The following NLRP7 variants were observed in gnomAD, a reference collection of about 807,000 sequenced individuals.
NLRP7 encodes NACHT, LRR and PYD domains-containing protein 7.
Under a neutral mutation model 85.5 loss-of-function variants are expected in NLRP7, and 72 were observed. The ratio of observed to expected loss-of-function variants is 0.84; its 90% CI spans 0.70 to 1.02. The LOEUF is 1.02. NLRP7 is among the 50% of genes least tolerant of loss of function. The pLI is 0.00. For missense variants in NLRP7, 1,243 were observed against 1,219.5 expected, an observed-to-expected ratio of 1.02 and a Z score of -0.29; for synonymous variants, 550 against 505.2, an observed-to-expected ratio of 1.09 and a Z score of -1.19.
chr19:54,964,410 G>T (rs1275427961), intron 1 of NLRP7, among the ~76,000 whole-genome samples: 1 of 150,260 alleles, frequency 6.7e-6, no homozygotes, highest in Non-Finnish European at 1.5e-5. Context: ...TAGAGACGGG[G>T]TTTCACCGTG....
At chr19:54,961,215 A>C (rs1216633909) in intron 1 of NLRP7, among the ~76,000 whole-genome samples, 1 of 151,966 alleles carries the variant, frequency 6.6e-6, no homozygotes, top group Non-Finnish European at 1.5e-5. Context: ...TCTAGTTAAA[A>C]AAGAGGGGGA....
In NLRP7 at chr19:54,953,867, C is replaced by T. The variant is rs1165277663; in HGVS notation, c.-76-6362G>A. Among the ~76,000 whole-genome samples, 7 of 151,150 alleles carry T rather than the reference C, an allele frequency of 4.6e-5. No homozygotes were observed. The East Asian group carries it at 1.2e-3, about 26-fold the overall frequency. On this transcript the variant is annotated intron_variant, in intron 1 of 2. Transcript: ENST00000587103. ...AAAAAAATACAAAAAATTAGCTGGGCGTGGTGGCGGGCGCCTGTAGTCCCA... is the reference window on the plus strand; with the variant it reads ...AAAAAAATACAAAAAATTAGCTGGGTGTGGTGGCGGGCGCCTGTAGTCCCA...
At position 54,938,981 on chromosome 19, in the gene NLRP7, T is replaced by TGCTTCAGGCTGAAGGAACAATGCATC. The variant is rs778816193; in HGVS notation, c.1812_1837dup (p.His613ArgfsTer8). ...TGAGAGTTTCTGCAAGTCTTGACAA[T>TGCTTCAGGCTGAAGGAACAATGCATC]GCTTCAGGCTGAAGGAACAATGCAT... is the stretch of plus-strand genomic sequence containing the variant. On this transcript the variant is annotated stop_gained and frameshift_variant, in exon 4 of 10. Transcript: ENST00000340844. LOFTEE classifies it high-confidence loss of function. 4 of 1,614,200 alleles carry TGCTTCAGGCTGAAGGAACAATGCATC rather than the reference T, an allele frequency of 2.5e-6. No homozygotes were observed. The South Asian group carries it at 4.4e-5, about 18-fold the overall frequency.
At chr19:54,943,753 C>T (rs867859169) in intron 1 of NLRP7, among the ~76,000 whole-genome samples, 6 of 152,088 alleles carry the variant, frequency 3.9e-5, no homozygotes, top group Admixed American at 6.6e-5. Flanking sequence ...AAAAGGAGGA[C>T]AGATCAGACT....
upstream of NLRP7, chr19:54,947,904 CA>C (rs1366346650): frequency 3.6e-6 from 1 of 274,406 alleles, no homozygotes; most frequent in Non-Finnish European, 7.3e-6. Flanking sequence ...AAAAAGAGGA[CA>C]AAAACTCCCG....
chr19:54,939,118 G>C (rs1387780931), exon 4 of NLRP7: 1 of 1,614,196 alleles, frequency 6.2e-7, no homozygotes, highest in Admixed American at 1.7e-5. Flanking sequence ...CCTCCTTCAG[G>C]TCGGTCACGG....
chr19:54,962,118 G>A (rs1386295334), intron 1 of NLRP7, among the ~76,000 whole-genome samples: 5 of 137,378 alleles, frequency 3.6e-5, no homozygotes, highest in African/African-American at 5.4e-5. Context: ...AGCTGAGATC[G>A]CGCCATTGCA....
chr19:54,938,029 T>C lies in NLRP7; in HGVS notation c.2129+15A>G, dbSNP rs765163659. 1 of 1,603,856 alleles carries C rather than the reference T, an allele frequency of 6.2e-7. No homozygotes were observed. The highest frequency in any genetic ancestry group is 8.5e-7 in the Non-Finnish European group (1 of 1,170,906). ...ATCGTTCAGGGTCTTCCTTGCAAGATGAGCTTCTACTTACTCCACTTTCTG... is the reference window on the plus strand; with the variant it reads ...ATCGTTCAGGGTCTTCCTTGCAAGACGAGCTTCTACTTACTCCACTTTCTG... On this transcript the variant is annotated intron_variant, in intron 5 of 9. Coordinates refer to ENST00000340844, the Ensembl canonical transcript of NLRP7.
chr19:54,940,016 T>G (rs1197510874), exon 4 of NLRP7: 1 of 1,614,028 alleles, frequency 6.2e-7, no homozygotes, highest in African/African-American at 1.3e-5. Flanking sequence ...CCCGCAGATG[T>G]CCTGGATCAG....
chr19:54,957,887 G>T (rs909664412), intron 1 of NLRP7, among the ~76,000 whole-genome samples: 4 of 152,068 alleles, frequency 2.6e-5, no homozygotes, highest in Admixed American at 2.0e-4. Context: ...AGACTGGCCC[G>T]GTGTACAAAG....
chr19:54,951,439 C>T (rs1031200746), upstream of NLRP7, among the ~76,000 whole-genome samples: 2 of 151,814 alleles, frequency 1.3e-5, no homozygotes, highest in African/African-American at 2.4e-5. Context: ...CCCAGCTACT[C>T]GAGAGGCTGA....
In NLRP7 at chr19:54,924,549, A is replaced by G. The variant is rs562560250; in HGVS notation, c.2811-677T>C. On this transcript the variant is annotated intron_variant, in intron 9 of 9. Coordinates refer to ENST00000340844, the Ensembl canonical transcript of NLRP7. The stretch of plus-strand genomic sequence containing the variant: ...GGAGGCAAGAGGATCACTTGAGCCC[A>G]GGAGGCGGAGGTTGCAACGAGCTAG... Among the ~76,000 whole-genome samples, 5 of 152,306 alleles carry G rather than the reference A, an allele frequency of 3.3e-5. No homozygotes were observed. The East Asian group carries it at 9.6e-4, about 29-fold the overall frequency.
intron 1 of NLRP7, among the ~76,000 whole-genome samples, chr19:54,952,926 T>C (rs1212683387): frequency 1.3e-5 from 2 of 151,492 alleles, no homozygotes; most frequent in East Asian, 2.0e-4. Context: ...TTACCCGAAG[T>C]AGAGTTTGAG....
chr19:54,923,774 G>A (rs753174926), exon 10 of NLRP7: 3 of 1,613,750 alleles, frequency 1.9e-6, no homozygotes, highest in South Asian at 1.1e-5. Context: ...AGGTGCCGTT[G>A]CCCCGGAAGC....
chr19:54,937,028 C>A (rs574523267), intron 5 of NLRP7, among the ~76,000 whole-genome samples: 2 of 151,944 alleles, frequency 1.3e-5, no homozygotes, highest in Non-Finnish European at 2.9e-5. Context: ...ACCATCCTGG[C>A]TAACACGGTG....
chr19:54,940,342 T>C (rs1352842094), exon 4 of NLRP7: 7 of 1,614,204 alleles, frequency 4.3e-6, no homozygotes, highest in Non-Finnish European at 5.9e-6. Flanking sequence ...GATTCAAGAA[T>C]GGAATGAACC....
In NLRP7 at chr19:54,934,218, G is replaced by A. The variant is rs2068797228; in HGVS notation, c.2471+271C>T. Reference sequence around the variant, plus strand: ...GGCCTCCCAACGTGCTGGGATTACAGGCATGAGCCACCGCACCCGGCCTGT... The same window carrying A: ...GGCCTCCCAACGTGCTGGGATTACAAGCATGAGCCACCGCACCCGGCCTGT... On this transcript the variant is annotated intron_variant, in intron 7 of 9. Coordinates refer to ENST00000340844, the Ensembl canonical transcript of NLRP7. The surrounding 1 kb of genome is among the most constrained non-coding windows in gnomAD (Gnocchi z 6.7). Among the ~76,000 whole-genome samples the A allele has an allele frequency of 6.6e-6, 1 of 152,180 alleles. No individual in the cohort carries two copies. Among genetic ancestry groups the A allele is most frequent in the African/African-American group, 2.4e-5 (1 of 41,456 alleles).
intron 9 of NLRP7, among the ~76,000 whole-genome samples, chr19:54,924,401 T>C (rs2068346506): frequency 6.6e-6 from 1 of 152,118 alleles, no homozygotes; most frequent in South Asian, 2.1e-4. Context: ...GGCAGGCAGA[T>C]TGCTTGAGCT....
intron 1 of NLRP7, among the ~76,000 whole-genome samples, chr19:54,962,980 G>C (rs2070113197): frequency 6.6e-6 from 1 of 152,142 alleles, no homozygotes; most frequent in Non-Finnish European, 1.5e-5. Context: ...ACAGCTGTTT[G>C]TGATCTTCAA....
Sources: gnomAD v4.1 joint callset for allele counts (sites outside exome capture counted in the v4.1 genomes callset) on GRCh38, gnomAD v4.1.1 for gene constraint, Gnocchi (gnomAD v3.1) non-coding constraint, MANE v1.5 for transcripts, NCBI Gene and HGNC (gene_info 2026-07-23, HGNC 2026-07-21) for gene names.